Variants in DOCK5 observed in about 807,000 individuals in gnomAD.
DOCK5 encodes dedicator of cytokinesis protein 5.
A neutral mutation model predicts 251.8 loss-of-function variants in DOCK5; 142 were observed. That is an observed-to-expected ratio of 0.56 (90% CI 0.49 to 0.65). DOCK5 has a LOEUF of 0.65. Among genes scored for constraint, DOCK5 ranks in the 30% least tolerant of loss-of-function variants. DOCK5 has a pLI of 0.00. For synonymous variants in DOCK5, 842 were observed against 835.5 expected (o/e 1.01, Z -0.13); for missense variants, 2,111 against 2,312.3 (o/e 0.91, Z 1.79).
chr8:25,263,938 A>G (rs1405253897), intron 2 of DOCK5, among the ~76,000 whole-genome samples: 7 of 151,796 alleles, frequency 4.6e-5, no homozygotes, highest in Non-Finnish European at 1.0e-4. Flanking sequence ...CCTTTCTTCA[A>G]TCTTCCTATA....
intron 2 of DOCK5, among the ~76,000 whole-genome samples, chr8:25,246,486 C>G (rs977580014): frequency 2.0e-5 from 3 of 152,108 alleles, no homozygotes; most frequent in African/African-American, 7.2e-5. Context: ...GTTGGCCAGG[C>G]TGGTCTCGTG....
At chr8:25,364,999 A>T (rs913355800) in intron 30 of DOCK5, among the ~76,000 whole-genome samples, 32 of 152,170 alleles carry the variant, frequency 2.1e-4, no homozygotes, top group Non-Finnish European at 4.3e-4. Flanking sequence ...TTTGGAGTTG[A>T]CCCTTTGTAT....
chr8:25,405,268 C>CT (rs939059913), intron 48 of DOCK5, among the ~76,000 whole-genome samples: 51 of 142,394 alleles, frequency 3.6e-4, no homozygotes, highest in East Asian at 3.3e-3. Context: ...AAAAAAGGTA[C>CT]TTTTTTTTTT....
chr8:25,184,831 A>C lies in DOCK5; in HGVS notation c.-78A>C, dbSNP rs541872237. 7.3e-6 allele frequency: 9 copies of C among 1,230,544 alleles called. No homozygotes were observed. Among genetic ancestry groups the C allele is most frequent in the Admixed American group, 4.2e-5 (1 of 23,562 alleles). The allele number at this position is 1,230,544 out of a possible 1,614,324, so 76.2% of individuals were successfully genotyped here. On this transcript the variant is annotated 5_prime_UTR_variant, in exon 1 of 52. Transcript: ENST00000276440. ...GGCGGAAGCGTCTGGGGCACGCAGG[A>C]GCGCGGGGCGGCGGCGGCCGGAGCC...
At chr8:25,343,413 C>A (rs538425387) in intron 25 of DOCK5, among the ~76,000 whole-genome samples, 1 of 152,094 alleles carries the variant, frequency 6.6e-6, no homozygotes, top group Non-Finnish European at 1.5e-5. Context: ...CCTGGGAGAG[C>A]GGTTTTAAGG....
chr8:25,289,320 GT>G (rs1345681351), intron 5 of DOCK5, among the ~76,000 whole-genome samples: 8 of 151,506 alleles, frequency 5.3e-5, no homozygotes, highest in Non-Finnish European at 1.0e-4. Context: ...TTGTTTGTTT[GT>G]TTGTTTATTT....
chr8:25,272,423 C>G (rs1227358160), intron 3 of DOCK5, among the ~76,000 whole-genome samples: 1 of 152,218 alleles, frequency 6.6e-6, no homozygotes, highest in South Asian at 2.1e-4. Context: ...ATTCATCACT[C>G]TGCATTTATG....
intron 1 of DOCK5, among the ~76,000 whole-genome samples, chr8:25,217,295 TATC>T (rs1802273453): frequency 6.6e-6 from 1 of 151,348 alleles, no homozygotes. Flanking sequence ...ATACACACAA[TATC>T]ATATTAGTGG....
intron 27 of DOCK5, 132 bp from the exon 28 acceptor site, chr8:25,358,831 C>A (rs767703733): frequency 2.7e-6 from 2 of 735,912 alleles, no homozygotes; most frequent in Non-Finnish European, 4.8e-6. Flanking sequence ...TAGAATGCAG[C>A]GTGTTTCCAG....
intron 2 of DOCK5, among the ~76,000 whole-genome samples, chr8:25,257,401 G>A (rs1803447173): frequency 1.3e-5 from 2 of 152,182 alleles, no homozygotes; most frequent in South Asian, 4.1e-4. Context: ...AAATGGCAGA[G>A]CTGTGATTCC....
chr8:25,230,397 G>A (rs968093245), intron 1 of DOCK5, among the ~76,000 whole-genome samples: 2 of 152,112 alleles, frequency 1.3e-5, no homozygotes, highest in African/African-American at 4.8e-5. Context: ...GCTAAACGTC[G>A]CGAACCACTG....
At chr8:25,317,890 C>T (rs968067047) in intron 14 of DOCK5, among the ~76,000 whole-genome samples, 2 of 152,068 alleles carry the variant, frequency 1.3e-5, no homozygotes, top group Non-Finnish European at 2.9e-5. Flanking sequence ...GGATTACAGG[C>T]GTGAGCCACT....
At position 25,372,413 on chromosome 8, in the gene DOCK5, T is replaced by C. The variant is rs576054256; in HGVS notation, c.3525-146T>C. ...TGCATGAGGTGTGTGTGTGTCGGCTTAACTGTGTCACTTAATATCTAACAT... is the reference window on the plus strand; with the variant it reads ...TGCATGAGGTGTGTGTGTGTCGGCTCAACTGTGTCACTTAATATCTAACAT... On this transcript the variant is annotated intron_variant, in intron 34 of 51. Coordinates refer to ENST00000276440, the MANE Select transcript of DOCK5 (RefSeq NM_024940.8). The C allele has an allele frequency of 2.3e-4, 171 of 732,968 alleles. 2 individuals carry two copies. In the South Asian group the frequency reaches 4.1e-3, roughly 17 times the overall value. The allele number at this position is 732,968 out of a possible 1,614,324, so 45.4% of individuals were successfully genotyped here.
chr8:25,301,384 A>C (rs1563193898), intron 9 of DOCK5, among the ~76,000 whole-genome samples: 1 of 152,160 alleles, frequency 6.6e-6, no homozygotes, highest in South Asian at 2.1e-4. Context: ...TATCTTGGAG[A>C]CCTGAGTTAA....
chr8:25,323,702 G>A, intron 16 of DOCK5, 146 bp from the exon 17 acceptor site: 1 of 803,998 alleles, frequency 1.2e-6, no homozygotes, highest in South Asian at 1.6e-5. Context: ...GTGGCACATG[G>A]TACGTGGCTT....
In DOCK5 at chr8:25,239,329, GTGTGTGTGTGTA is replaced by G. The variant is rs1443386593; in HGVS notation, c.44-4333_44-4322del. ...GGTGTGTGCGTGTATATGTGTGTGT[GTGTGTGTGTGTA>G]TGTGTGTGTGTGTGTGTGTGTGTGT... On this transcript the variant is annotated intron_variant, in intron 1 of 51. Coordinates refer to ENST00000276440, the MANE Select transcript of DOCK5 (RefSeq NM_024940.8). Among the ~76,000 whole-genome samples, 1,043 of 131,868 alleles carry G rather than the reference GTGTGTGTGTGTA, an allele frequency of 7.9e-3. 10 individuals are homozygous for G. Among genetic ancestry groups the G allele is most frequent in the African/African-American group, 0.03 (990 of 32,950 alleles). The allele number at this position is 131,868 out of a possible 152,430, so 86.5% of individuals were successfully genotyped here. A position where few individuals can be genotyped will look rare whatever the true frequency, so the allele number is the denominator to read the frequency against.
chr8:25,208,440 G>A (rs10108449), intron 1 of DOCK5, among the ~76,000 whole-genome samples: 95,485 of 152,030 alleles, frequency 0.63, 32,622 homozygotes, highest in Non-Finnish European at 0.76. Context: ...AAACTTAATT[G>A]CTGTCTTATT....
chr8:25,204,558 A>G (rs1586226503), intron 1 of DOCK5, among the ~76,000 whole-genome samples: 1 of 152,338 alleles, frequency 6.6e-6, no homozygotes, highest in Non-Finnish European at 1.5e-5. Flanking sequence ...AACTGCTAGG[A>G]TCTAAAGTTG....
At chr8:25,187,397 T>TG (rs397799996) in intron 1 of DOCK5, among the ~76,000 whole-genome samples, 15 of 149,634 alleles carry the variant, frequency 1.0e-4, no homozygotes, top group Non-Finnish European at 5.9e-5. Context: ...TGTGTGTGTG[T>TG]AAAATATTTG....
Sources: allele counts gnomAD v4.1 joint callset (sites outside exome capture counted in the v4.1 genomes callset), GRCh38; gene constraint gnomAD v4.1.1; transcripts MANE v1.5; gene names NCBI Gene and HGNC (gene_info 2026-07-23, HGNC 2026-07-21).